Variants in KIAA1549 observed in about 807,000 individuals in gnomAD.
KIAA1549 encodes the protein KIAA1549.
Under a neutral mutation model 156.4 loss-of-function variants are expected in KIAA1549, and 70 were observed. That is an observed-to-expected ratio of 0.45 (90% confidence interval 0.37 to 0.55). The LOEUF is 0.55. Ranked by LOEUF, KIAA1549 falls within the 20% of genes least tolerant of loss-of-function variation. KIAA1549 has a pLI of 0.00. For missense variants in KIAA1549, 2,428 were observed against 2,540.9 expected (o/e 0.96, Z 0.96); for synonymous variants, 1,103 against 1,066.4 (o/e 1.03, Z -0.67).
At chr7:138,909,143 G>C in intron 4 of KIAA1549, 22 bp from the exon 5 acceptor site, 1 of 1,603,398 alleles carries the variant, frequency 6.2e-7, no homozygotes, top group Non-Finnish European at 8.5e-7. Context: ...AGCAATCAAA[G>C]TCCCATAAAT....
At chr7:138,959,281 A>T (rs1584785174) in intron 1 of KIAA1549, among the ~76,000 whole-genome samples, 1 of 152,302 alleles carries the variant, frequency 6.6e-6, no homozygotes, top group South Asian at 2.1e-4. Flanking sequence ...TCAAGACTTA[A>T]ATAGCACCAC....
intron 8 of KIAA1549, among the ~76,000 whole-genome samples, chr7:138,900,915 C>T (rs1319567630): frequency 6.6e-6 from 1 of 152,208 alleles, no homozygotes; most frequent in Non-Finnish European, 1.5e-5. Context: ...CTTTTCTTTA[C>T]AAACCCAGCC....
Position 138,837,897 on chromosome 7 carries a change from C to G in KIAA1549, c.*9G>C. On this transcript the variant is annotated 3_prime_UTR_variant, in exon 20 of 20. Coordinates refer to ENST00000422774, the MANE Select transcript of KIAA1549 (RefSeq NM_001164665.2). ...GCGGATACTTGGCAAATCTGCGAGG[C>G]GAGGCCGATCAGCTGTGGAAGTTCT... 2 of 1,612,284 alleles carry G rather than the reference C, an allele frequency of 1.2e-6. No homozygotes were observed. Among genetic ancestry groups the G allele is most frequent in the Non-Finnish European group, 1.7e-6 (2 of 1,179,380 alleles).
chr7:138,888,052 T>C (rs1811448765), intron 10 of KIAA1549, among the ~76,000 whole-genome samples: 1 of 152,204 alleles, frequency 6.6e-6, no homozygotes, highest in Non-Finnish European at 1.5e-5. Context: ...CTGTGCTTTA[T>C]CTGTCTATGT....
chr7:138,944,184 C>T (rs1477180077), intron 1 of KIAA1549, among the ~76,000 whole-genome samples: 1 of 151,952 alleles, frequency 6.6e-6, no homozygotes, highest in Non-Finnish European at 1.5e-5. Context: ...CTTACTGCTC[C>T]TAAGTGAAAT....
At chr7:138,884,829 T>C (rs1304476084) in intron 10 of KIAA1549, among the ~76,000 whole-genome samples, 3 of 152,266 alleles carry the variant, frequency 2.0e-5, no homozygotes, top group African/African-American at 7.2e-5. Context: ...CAGTTCAAGA[T>C]ATCCCGCCCT....
chr7:138,918,078 A>T lies in KIAA1549; in HGVS notation c.1548T>A (p.Val516=). The T allele has an allele frequency of 6.2e-7, 1 of 1,613,738 alleles. No individual in the cohort carries two copies. The highest frequency in any genetic ancestry group is 8.5e-7 in the Non-Finnish European group (1 of 1,179,812). ...GISAEVDMSS[V]TTTQVPPAHG... is the part of the protein sequence containing the mutation. ...GGGCAGGGGGAACCTGTGTGGTTGT[A>T]ACACTACTCATATCCACCTCGGCAG... Residue 516 remains valine (V), a synonymous_variant, in exon 2 of 20, where the codon GTT becomes GTA. Transcript: ENST00000422774. The surrounding 1 kb of genome is among the most constrained non-coding windows in gnomAD (Gnocchi z 4.2).
intron 1 of KIAA1549, among the ~76,000 whole-genome samples, chr7:138,948,298 G>A (rs1813392390): frequency 1.3e-5 from 2 of 152,162 alleles, no homozygotes; most frequent in Admixed American, 1.3e-4. Context: ...CACACATGGA[G>A]GGAAGATGGT....
intron 8 of KIAA1549, among the ~76,000 whole-genome samples, chr7:138,900,503 C>A (rs1385956784): frequency 6.6e-6 from 1 of 152,034 alleles, no homozygotes; most frequent in African/African-American, 2.4e-5. Flanking sequence ...AATCACAGTC[C>A]CCAAAATCCA....
At chr7:138,950,327 C>G (rs1813458109) in intron 1 of KIAA1549, among the ~76,000 whole-genome samples, 1 of 152,166 alleles carries the variant, frequency 6.6e-6, no homozygotes, top group Admixed American at 6.5e-5. Context: ...ACACAACTAA[C>G]AGATCGCCCT....
chr7:138,856,538 C>T (rs1424844688), intron 16 of KIAA1549, among the ~76,000 whole-genome samples: 2 of 152,122 alleles, frequency 1.3e-5, no homozygotes, highest in African/African-American at 4.8e-5. Flanking sequence ...TTTCTGACAA[C>T]CATTCTTCAC....
chr7:138,962,875 T>C (rs1164305093), intron 1 of KIAA1549, among the ~76,000 whole-genome samples: 1 of 152,226 alleles, frequency 6.6e-6, no homozygotes, highest in Non-Finnish European at 1.5e-5. Flanking sequence ...CCATCTCATA[T>C]CCATCTTCAA....
rs769880542 is a variant in KIAA1549 at position 138,861,423 on chromosome 7, G to T, written c.4963C>A (p.Pro1655Thr). ...DPDLPADVQT[P>T]SSVELGRYPA... Reference sequence around the variant, plus strand: ...TACCTCCCCAGTTCCACCGAGGATGGTGTCTGCACATCGGCTGGGAGGTCA... The same window carrying T: ...TACCTCCCCAGTTCCACCGAGGATGTTGTCTGCACATCGGCTGGGAGGTCA... The change falls in exon 16 of 20, where the codon CCA becomes ACA. Residue 1655 changes from proline to threonine, a missense_variant. Transcript: ENST00000422774. 6.2e-7 allele frequency: 1 copy of T among 1,612,414 alleles called. No homozygotes were observed. Among genetic ancestry groups the T allele is most frequent in the African/African-American group, 1.3e-5 (1 of 74,898 alleles).
At position 138,981,167 on chromosome 7, in the gene KIAA1549, G is replaced by T; in HGVS notation, c.103C>A (p.Arg35Ser). 1 of 1,173,680 alleles carries T rather than the reference G, an allele frequency of 8.5e-7. No individual in the cohort carries two copies. Among genetic ancestry groups the T allele is most frequent in the Non-Finnish European group, 1.1e-6 (1 of 950,814 alleles). The allele number at this position is 1,173,680 out of a possible 1,614,324, so 72.7% of individuals were successfully genotyped here. Residue 35 changes from arginine (R) to serine (S), a missense_variant, in exon 1 of 20, where the codon CGC becomes AGC. Arg to Ser is a moderately radical substitution (Grantham distance 110). Around this residue, in one of 5 missense-constraint regions of KIAA1549, gnomAD observed 893 missense variants for 847.9 expected, o/e 1.05. Transcript: ENST00000422774. This position sits in a 1 kb window ranked among gnomAD's most constrained non-coding sequence, Gnocchi z 4.5. ...CCCGGGCGGCGGCGGCGGGCGCAGC[G>T]GGCGGAAGGCCGTCGGCCGCTCGGC... ...PGPSGRRPSA[R>S]CARRRRPGLL...
chr7:138,943,822 C>T (rs1813263105), intron 1 of KIAA1549, among the ~76,000 whole-genome samples: 1 of 151,758 alleles, frequency 6.6e-6, no homozygotes, highest in South Asian at 2.1e-4. Flanking sequence ...GCACTCCAGC[C>T]TGGGCGACAG....
intron 16 of KIAA1549, among the ~76,000 whole-genome samples, chr7:138,857,524 T>C (rs1810428965): frequency 6.6e-6 from 1 of 152,326 alleles, no homozygotes; most frequent in African/African-American, 2.4e-5. Context: ...TGCCAAACTG[T>C]TTTTCAAAGT....
Position 138,837,737 on chromosome 7 carries a change from T to C in KIAA1549, c.*169A>G, listed in dbSNP as rs144172762. 6.7e-5 allele frequency: 45 copies of C among 674,286 alleles called. No individual in the cohort carries two copies. The East Asian group carries it at 1.2e-3, about 18-fold the overall frequency. 41.8% of individuals were successfully genotyped at this position (674,286 alleles called of 1,614,324 possible). A position where few individuals can be genotyped will look rare whatever the true frequency, so the allele number is the denominator to read the frequency against. On this transcript the variant is annotated 3_prime_UTR_variant, in exon 20 of 20. Coordinates refer to ENST00000422774, the MANE Select transcript of KIAA1549 (RefSeq NM_001164665.2). ...AATTGCCAGCCCAGTGAAAGGCTCA[T>C]GAGCTGTCACACGACGTATGGCATC...
rs923375408 is a variant in KIAA1549 at position 138,834,104 on chromosome 7, T to C, written c.*3802A>G. ...CAGAAGTTGACGTCTCCCCAAGATA[T>C]TGCATTTCCAAACATGCAACTTCTT... On this transcript the variant is annotated 3_prime_UTR_variant, in exon 20 of 20. Transcript: ENST00000422774. 10 of 221,784 alleles carry C rather than the reference T, an allele frequency of 4.5e-5. No individual in the cohort carries two copies. Among genetic ancestry groups the C allele is most frequent in the African/African-American group, 1.3e-4 (6 of 44,814 alleles). The allele number at this position is 221,784 out of a possible 1,614,324, so 13.7% of individuals were successfully genotyped here. A position where few individuals can be genotyped will look rare whatever the true frequency, so the allele number is the denominator to read the frequency against.
chr7:138,936,055 G>A (rs141320880), intron 1 of KIAA1549, among the ~76,000 whole-genome samples: 2 of 152,306 alleles, frequency 1.3e-5, no homozygotes, highest in East Asian at 3.9e-4. Context: ...TGGCAGAGCG[G>A]AAAGAAGCAT....
Sources: gnomAD v4.1 joint callset for allele counts (sites outside exome capture counted in the v4.1 genomes callset) on GRCh38, gnomAD v4.1.1 for gene constraint, gnomAD v4.1.1 regional missense constraint, Gnocchi (gnomAD v3.1) non-coding constraint, MANE v1.5 for transcripts, NCBI Gene and HGNC (gene_info 2026-07-23, HGNC 2026-07-21) for gene names.